ADCY8: variants seen among roughly 807,000 people sequenced by gnomAD.
ADCY8 encodes the protein adenylate cyclase 8, also known as adenylate cyclase type 8.
ADCY8 carries 51 observed loss-of-function variants against 119.7 expected under a neutral mutation model. The ratio of observed to expected loss-of-function variants is 0.43; its 90% confidence interval spans 0.34 to 0.54. The LOEUF (loss-of-function observed/expected upper bound fraction) is 0.54. Ranked by LOEUF, ADCY8 falls within the 20% of genes least tolerant of loss-of-function variation. ADCY8 has a pLI of 0.03. For missense variants in ADCY8, 1,383 were observed against 1,598.8 expected, an observed-to-expected ratio of 0.87 and a Z score of 2.30; for synonymous variants, 665 against 651.0, an observed-to-expected ratio of 1.02 and a Z score of -0.33.
rs1215881817 is a variant in ADCY8 at position 130,905,656 on chromosome 8, T to G, written c.1641-1614A>C. Among the ~76,000 whole-genome samples, 6 of 152,204 alleles carry G rather than the reference T, an allele frequency of 3.9e-5. No individual in the cohort carries two copies. The East Asian group carries it at 1.2e-3, about 29-fold the overall frequency. On this transcript the variant is annotated intron_variant, in intron 6 of 17. Coordinates refer to ENST00000286355, the MANE Select transcript of ADCY8 (RefSeq NM_001115.3). ...GGTGAATTGCTGGAGCTCAGGAGTT[T>G]GAGACCAGCCTGGGCAACATGACAA...
intron 14 of ADCY8, among the ~76,000 whole-genome samples, chr8:130,808,011 A>C (rs1816029924): frequency 7.0e-6 from 1 of 143,736 alleles, no homozygotes; most frequent in African/African-American, 2.6e-5. Flanking sequence ...AAAAAAAAAA[A>C]AAAAAAAAAA....
intron 10 of ADCY8, 52 bp from the exon 11 acceptor site, chr8:130,847,565 A>G: frequency 6.8e-7 from 1 of 1,475,916 alleles, no homozygotes; most frequent in African/African-American, 1.4e-5. Flanking sequence ...AACAGGAACA[A>G]CAAAGTCAGT....
intron 14 of ADCY8, among the ~76,000 whole-genome samples, chr8:130,809,093 A>G (rs1816077890): frequency 6.6e-6 from 1 of 152,186 alleles, no homozygotes; most frequent in Non-Finnish European, 1.5e-5. Flanking sequence ...TGTGGGTAAC[A>G]CTGCCTTGGA....
At chr8:130,997,714 T>C (rs141204456) in intron 1 of ADCY8, among the ~76,000 whole-genome samples, 377 of 152,342 alleles carry the variant, frequency 2.5e-3, no homozygotes, top group African/African-American at 8.7e-3. Flanking sequence ...ATTACTATTA[T>C]TAATTTTTAC....
intron 15 of ADCY8, among the ~76,000 whole-genome samples, chr8:130,800,040 C>T (rs1815721954): frequency 2.6e-5 from 4 of 152,226 alleles, no homozygotes; most frequent in Admixed American, 2.0e-4. Context: ...TGCAAATGGA[C>T]AGTTTTATCT....
At chr8:130,982,174 T>C (rs904802996) in intron 2 of ADCY8, among the ~76,000 whole-genome samples, 1 of 152,184 alleles carries the variant, frequency 6.6e-6, no homozygotes, top group Admixed American at 6.5e-5. Context: ...CACAGTTCTT[T>C]GAATGAAGTC....
intron 1 of ADCY8, among the ~76,000 whole-genome samples, chr8:131,035,534 T>C (rs181605769): frequency 1.3e-5 from 2 of 152,184 alleles, no homozygotes; most frequent in East Asian, 3.9e-4. Context: ...GGAAAGCAAA[T>C]GGTGATTCAA....
chr8:130,917,327 T>A (rs1300738022), intron 5 of ADCY8, among the ~76,000 whole-genome samples: 2 of 152,204 alleles, frequency 1.3e-5, no homozygotes, highest in African/African-American at 4.8e-5. Flanking sequence ...GGAGCTTACA[T>A]CAATGTGGTT....
chr8:131,019,662 T>C (rs1823590038), intron 1 of ADCY8, among the ~76,000 whole-genome samples: 1 of 152,186 alleles, frequency 6.6e-6, no homozygotes, highest in Non-Finnish European at 1.5e-5. Context: ...TTCTCATTTA[T>C]ACATTTACTC....
chr8:130,835,671 C>T (rs6651256), intron 12 of ADCY8, among the ~76,000 whole-genome samples: 19,244 of 152,064 alleles, frequency 0.13, 1,701 homozygotes, highest in African/African-American at 0.26. Context: ...CATGCATGTT[C>T]AAGTCCCTTA....
intron 11 of ADCY8, among the ~76,000 whole-genome samples, chr8:130,844,666 G>A (rs929155667): frequency 1.3e-5 from 2 of 152,124 alleles, no homozygotes; most frequent in Admixed American, 6.6e-5. Flanking sequence ...GCATGTGTGC[G>A]CACATACACA....
At chr8:130,922,763 C>T (rs1217635703) in intron 5 of ADCY8, among the ~76,000 whole-genome samples, 1 of 152,188 alleles carries the variant, frequency 6.6e-6, no homozygotes, top group Non-Finnish European at 1.5e-5. Context: ...CAGATAAATT[C>T]CCTTTCTTTA....
chr8:130,979,373 G>A (rs1822169983), intron 2 of ADCY8, among the ~76,000 whole-genome samples: 1 of 152,160 alleles, frequency 6.6e-6, no homozygotes, highest in Non-Finnish European at 1.5e-5. Context: ...GTGTATTCCT[G>A]TTGATCACAT....
chr8:130,957,105 T>A (rs945005755), intron 2 of ADCY8, among the ~76,000 whole-genome samples: 1 of 152,154 alleles, frequency 6.6e-6, no homozygotes, highest in African/African-American at 2.4e-5. Context: ...TCTGGAGGGC[T>A]CAGAAGAAGA....
intron 13 of ADCY8, among the ~76,000 whole-genome samples, chr8:130,817,368 T>C (rs951806628): frequency 6.6e-6 from 1 of 152,202 alleles, no homozygotes; most frequent in Non-Finnish European, 1.5e-5. Context: ...GAAAACTTAG[T>C]AGTAATAACT....
Position 130,789,162 on chromosome 8 carries a change from G to A in ADCY8, c.3061-3687C>T, listed in dbSNP as rs575527945. On this transcript the variant is annotated intron_variant, in intron 15 of 17. Coordinates refer to ENST00000286355, the MANE Select transcript of ADCY8 (RefSeq NM_001115.3). ...ACTTATCAAATTGTATATTTTATAT[G>A]CAGGTTTTTGAATCAACTATAAGAC... Among the ~76,000 whole-genome samples, 12 of 152,290 alleles carry A rather than the reference G, an allele frequency of 7.9e-5. No homozygotes were observed. In the South Asian group the frequency reaches 2.5e-3, roughly 32 times the overall value.
intron 2 of ADCY8, among the ~76,000 whole-genome samples, chr8:130,986,704 G>C (rs576568422): frequency 6.6e-6 from 1 of 152,158 alleles, no homozygotes; most frequent in Admixed American, 6.5e-5. Context: ...TAGCAGTTTG[G>C]GGAAAGAGAC....
At chr8:130,793,489 CT>C (rs1815487067) in intron 15 of ADCY8, among the ~76,000 whole-genome samples, 2 of 152,274 alleles carry the variant, frequency 1.3e-5, no homozygotes, top group African/African-American at 4.8e-5. Flanking sequence ...ACTTGTTATT[CT>C]TTTTGATTGT....
chr8:130,800,365 AAC>A, intron 15 of ADCY8, 59 bp downstream of exon 15: 1 of 1,593,508 alleles, frequency 6.3e-7, no homozygotes, highest in Middle Eastern at 1.7e-4. Context: ...TACAATGAAT[AAC>A]ACAACGCTTT....
Sources: allele counts gnomAD v4.1 joint callset (sites outside exome capture counted in the v4.1 genomes callset), GRCh38; gene constraint gnomAD v4.1.1; transcripts MANE v1.5; gene names NCBI Gene and HGNC (gene_info 2026-07-23, HGNC 2026-07-21).